Variants in UNC5D observed in about 807,000 individuals in gnomAD.
UNC5D encodes the protein unc-5 netrin receptor D.
Under a neutral mutation model 105.4 loss-of-function variants are expected in UNC5D, and 39 were observed. The ratio of observed to expected loss-of-function variants is 0.37; its 90% confidence interval spans 0.29 to 0.48. The LOEUF is 0.48. Ranked by LOEUF, UNC5D falls within the 20% of genes least tolerant of loss-of-function variation. UNC5D has a pLI of 0.98. For missense variants in UNC5D, 991 were observed against 1,202.4 expected, an observed-to-expected ratio of 0.82 and a Z score of 2.60; for synonymous variants, 452 against 450.4, an observed-to-expected ratio of 1.00 and a Z score of -0.04.
At position 35,711,243 on chromosome 8, in the gene UNC5D, G is replaced by A. The variant is rs147553303; in HGVS notation, c.1117+5282G>A. Among the ~76,000 whole-genome samples, 516 of 151,780 alleles carry A rather than the reference G, an allele frequency of 3.4e-3. 20 individuals carry two copies. In the East Asian group the frequency reaches 0.088, roughly 26 times the overall value. On this transcript the variant is annotated intron_variant, in intron 8 of 16. Coordinates refer to ENST00000404895, the MANE Select transcript of UNC5D (RefSeq NM_080872.4). ...CACCTGGGCTGAAGTGCAGTGGTGC[G>A]ATCTTGGCTCACTGCAACCTCTGCC... is the stretch of plus-strand genomic sequence containing the variant.
intron 13 of UNC5D, among the ~76,000 whole-genome samples, chr8:35,755,154 T>C (rs1451144931): frequency 6.6e-6 from 1 of 152,198 alleles, no homozygotes; most frequent in African/African-American, 2.4e-5. Flanking sequence ...TATTGTCTTT[T>C]ATTACACACG....
chr8:35,754,441 T>C (rs966528204), intron 13 of UNC5D, among the ~76,000 whole-genome samples: 2 of 152,202 alleles, frequency 1.3e-5, no homozygotes, highest in African/African-American at 4.8e-5. Context: ...CAACTCTAAC[T>C]GTGCTGTTAA....
At chr8:35,590,444 T>G (rs1247593366) in intron 3 of UNC5D, among the ~76,000 whole-genome samples, 1 of 152,204 alleles carries the variant, frequency 6.6e-6, no homozygotes, top group East Asian at 1.9e-4. Context: ...GTTTTATTTT[T>G]TTTCTCCAAA....
chr8:35,770,685 T>G (rs1376623247), intron 15 of UNC5D, among the ~76,000 whole-genome samples: 4 of 152,220 alleles, frequency 2.6e-5, no homozygotes, highest in Non-Finnish European at 4.4e-5. Context: ...CCCAAGTAAT[T>G]TATTTCATCA....
At chr8:35,594,602 C>A (rs1259937661) in intron 3 of UNC5D, among the ~76,000 whole-genome samples, 1 of 152,138 alleles carries the variant, frequency 6.6e-6, no homozygotes. Context: ...TACCCTCGTT[C>A]TGCAAGATTA....
At chr8:35,725,672 G>A (rs561276205) in intron 9 of UNC5D, among the ~76,000 whole-genome samples, 2 of 152,188 alleles carry the variant, frequency 1.3e-5, no homozygotes, top group African/African-American at 2.4e-5. Context: ...CACTGGAACC[G>A]ATGTAGCTTC....
intron 1 of UNC5D, among the ~76,000 whole-genome samples, chr8:35,495,458 C>CAAAAAAAAAAAAAAAAAAA (rs71547636): frequency 4.0e-4 from 18 of 44,608 alleles, no homozygotes; most frequent in East Asian, 2.5e-3. Flanking sequence ...ACAACAACAA[C>CAAAAAAAAAAAAAAAAAAA]AAAAAAAAAA....
intron 1 of UNC5D, among the ~76,000 whole-genome samples, chr8:35,528,023 A>C (rs1035406062): frequency 2.3e-4 from 35 of 149,854 alleles, no homozygotes; most frequent in Non-Finnish European, 4.3e-4. Flanking sequence ...TTTATCATGA[A>C]TTCTAGAAAC....
At chr8:35,423,645 A>G (rs920659976) in intron 1 of UNC5D, among the ~76,000 whole-genome samples, 1 of 152,168 alleles carries the variant, frequency 6.6e-6, no homozygotes, top group Non-Finnish European at 1.5e-5. Context: ...TAAATTTGTT[A>G]TGACAGTTTT....
chr8:35,754,293 C>A (rs1444284530), intron 13 of UNC5D, among the ~76,000 whole-genome samples: 1 of 152,116 alleles, frequency 6.6e-6, no homozygotes, highest in African/African-American at 2.4e-5. Context: ...AAATTGCCCA[C>A]CCTGGAATGT....
At chr8:35,613,135 T>C (rs1322728139) in intron 4 of UNC5D, among the ~76,000 whole-genome samples, 1 of 152,202 alleles carries the variant, frequency 6.6e-6, no homozygotes, top group Non-Finnish European at 1.5e-5. Context: ...TGGAGTGCAG[T>C]GGCACGATCA....
intron 11 of UNC5D, 129 bp from the exon 12 acceptor site, chr8:35,748,398 G>T: frequency 1.0e-6 from 1 of 997,960 alleles, no homozygotes; most frequent in Non-Finnish European, 1.4e-6. Context: ...CCAGTCCTTT[G>T]TAAAAGAAAA....
intron 1 of UNC5D, among the ~76,000 whole-genome samples, chr8:35,540,437 G>T (rs1815187315): frequency 1.4e-5 from 2 of 143,546 alleles, no homozygotes; most frequent in Non-Finnish European, 3.0e-5. Flanking sequence ...CTTTCACAAA[G>T]CAGAGGGGTG....
chr8:35,756,204 T>G (rs540889493), intron 13 of UNC5D, among the ~76,000 whole-genome samples: 1 of 152,308 alleles, frequency 6.6e-6, no homozygotes, highest in East Asian at 1.9e-4. Flanking sequence ...GCTTAATATT[T>G]TGTACAAGAT....
rs75817118 is a variant in UNC5D at position 35,504,964 on chromosome 8, C to T, written c.104-44328C>T. Among the ~76,000 whole-genome samples, 958 of 152,186 alleles carry T rather than the reference C, an allele frequency of 6.3e-3. 10 individuals carry two copies. Among genetic ancestry groups the T allele is most frequent in the African/African-American group, 0.022 (918 of 41,520 alleles). On this transcript the variant is annotated intron_variant, in intron 1 of 16. Transcript: ENST00000404895. ...CCCCCAAAACAGCCACTGTTCAAGACGAGGTAAAGTATTCATGGAAACTTC... is the reference window on the plus strand; with the variant it reads ...CCCCCAAAACAGCCACTGTTCAAGATGAGGTAAAGTATTCATGGAAACTTC...
intron 1 of UNC5D, among the ~76,000 whole-genome samples, chr8:35,269,348 A>C (rs181065464): frequency 9.9e-5 from 15 of 151,594 alleles, no homozygotes; most frequent in Non-Finnish European, 1.9e-4. Flanking sequence ...TGGGGTGTGC[A>C]CTCTCCTCTT....
intron 1 of UNC5D, among the ~76,000 whole-genome samples, chr8:35,405,475 A>G (rs760450642): frequency 3.3e-5 from 5 of 152,216 alleles, no homozygotes; most frequent in Non-Finnish European, 7.3e-5. Context: ...TTTAAATTGT[A>G]TAGCAATGTG....
chr8:35,655,735 G>A (rs958438481), intron 4 of UNC5D, among the ~76,000 whole-genome samples: 5 of 152,178 alleles, frequency 3.3e-5, no homozygotes, highest in African/African-American at 1.2e-4. Flanking sequence ...ATAGCCAGAT[G>A]GAGAAGAATC....
chr8:35,360,146 A>G (rs1359633480), intron 1 of UNC5D, among the ~76,000 whole-genome samples: 1 of 152,130 alleles, frequency 6.6e-6, no homozygotes, highest in African/African-American at 2.4e-5. Context: ...GTGCCATTTA[A>G]CAGTTCCTTT....
Sources: gnomAD v4.1 joint callset for allele counts (sites outside exome capture counted in the v4.1 genomes callset) on GRCh38, gnomAD v4.1.1 for gene constraint, MANE v1.5 for transcripts, NCBI Gene and HGNC (gene_info 2026-07-23, HGNC 2026-07-21) for gene names.